The following SCUBE2 variants were observed in gnomAD, a reference collection of about 807,000 sequenced individuals.
The protein encoded by SCUBE2 is signal peptide, CUB and EGF-like domain-containing protein 2.
Under a neutral mutation model 125.9 loss-of-function variants are expected in SCUBE2, and 114 were observed. That is an observed-to-expected ratio of 0.91 (90% CI 0.78 to 1.06). The LOEUF is 1.06. Among genes scored for constraint, SCUBE2 ranks in the 50% least tolerant of loss-of-function variants. The pLI, the probability that SCUBE2 is intolerant of heterozygous loss-of-function variation, is 0.00. For synonymous variants in SCUBE2, 459 were observed against 492.9 expected (o/e 0.93, Z 0.91); for missense variants, 1,255 against 1,301.8 (o/e 0.96, Z 0.55).
chr11:9,089,053 G>T (rs916881592), intron 2 of SCUBE2, among the ~76,000 whole-genome samples: 1 of 152,170 alleles, frequency 6.6e-6, no homozygotes, highest in African/African-American at 2.4e-5. Context: ...CCAGTCTCTG[G>T]CCAGCTATGA....
At chr11:9,076,728 G>A (rs1019996672) in intron 3 of SCUBE2, among the ~76,000 whole-genome samples, 26 of 152,278 alleles carry the variant, frequency 1.7e-4, no homozygotes, top group African/African-American at 6.3e-4. Flanking sequence ...TCTGTTATCT[G>A]GTTTCAAGCT....
intron 14 of SCUBE2, 136 bp downstream of exon 14, chr11:9,050,470 G>T: frequency 1.5e-6 from 1 of 676,948 alleles, no homozygotes. Flanking sequence ...TGGAAGTTGG[G>T]GATGGTTCAG....
chr11:9,040,427 G>C (rs376506630), intron 16 of SCUBE2, among the ~76,000 whole-genome samples: 3 of 152,092 alleles, frequency 2.0e-5, no homozygotes, highest in East Asian at 1.9e-4. Flanking sequence ...CATGGGGGAG[G>C]GTATACACCG....
chr11:9,060,668 G>A (rs1859591690), intron 7 of SCUBE2, 144 bp from the exon 8 acceptor site: 2 of 644,476 alleles, frequency 3.1e-6, no homozygotes, highest in African/African-American at 1.8e-5. Context: ...TAGAGGGAGA[G>A]CAGGTGCAGC....
intron 5 of SCUBE2, among the ~76,000 whole-genome samples, chr11:9,068,239 G>A (rs73410050): frequency 5.3e-5 from 8 of 152,132 alleles, no homozygotes; most frequent in Non-Finnish European, 1.0e-4. Context: ...CTTTGGGAAG[G>A]TTCCTAAAGG....
chr11:9,071,038 C>T (rs1327649615), intron 4 of SCUBE2, among the ~76,000 whole-genome samples: 1 of 152,158 alleles, frequency 6.6e-6, no homozygotes, highest in African/African-American at 2.4e-5. Flanking sequence ...GATTTGCACC[C>T]CAGTACTGAG....
At chr11:9,033,260 C>G (rs757252197) in intron 17 of SCUBE2, among the ~76,000 whole-genome samples, 26 of 152,160 alleles carry the variant, frequency 1.7e-4, no homozygotes, top group Non-Finnish European at 4.4e-5. Context: ...GAGACCAAAG[C>G]TGGAGAAAAA....
intron 21 of SCUBE2, chr11:9,024,514 T>C (rs751673501): frequency 2.3e-5 from 16 of 704,490 alleles, no homozygotes; most frequent in Admixed American, 4.9e-5. Flanking sequence ...CCTAAAATCC[T>C]TCAGTGGCTT....
chr11:9,088,879 C>T (rs1368419925), intron 2 of SCUBE2, among the ~76,000 whole-genome samples: 1 of 152,178 alleles, frequency 6.6e-6, no homozygotes, highest in Non-Finnish European at 1.5e-5. Flanking sequence ...GGAGACCTGA[C>T]TTTCTTTCAC....
intron 1 of SCUBE2, among the ~76,000 whole-genome samples, chr11:9,090,837 C>A (rs1384604623): frequency 6.6e-6 from 1 of 152,218 alleles, no homozygotes; most frequent in Non-Finnish European, 1.5e-5. Flanking sequence ...AAGCACAGCA[C>A]GTCCAGAGTC....
At chr11:9,048,672 G>A (rs1858042162) in intron 14 of SCUBE2, among the ~76,000 whole-genome samples, 1 of 152,140 alleles carries the variant, frequency 6.6e-6, no homozygotes, top group African/African-American at 2.4e-5. Context: ...ATATCATGAA[G>A]GCATCTAGGA....
chr11:9,057,221 T>C (rs948808619), intron 9 of SCUBE2: 1 of 152,248 alleles, frequency 6.6e-6, no homozygotes, highest in Non-Finnish European at 1.5e-5. Context: ...CTAATTCCTT[T>C]TTAATGTGTT....
intron 9 of SCUBE2, chr11:9,057,298 T>C (rs1293588203): frequency 6.6e-6 from 1 of 152,196 alleles, no homozygotes; most frequent in Non-Finnish European, 1.5e-5. Flanking sequence ...GCAAATTTGC[T>C]TTCCAAGTCA....
At chr11:9,088,333 CA>C (rs1256237435) in intron 2 of SCUBE2, among the ~76,000 whole-genome samples, 2 of 152,166 alleles carry the variant, frequency 1.3e-5, no homozygotes, top group Non-Finnish European at 2.9e-5. Flanking sequence ...CCTAAAAATA[CA>C]AAAATTAGCT....
chr11:9,029,952 T>C lies in SCUBE2; in HGVS notation c.2435A>G (p.Asn812Ser), dbSNP rs763024477. 12 of 1,614,086 alleles carry C rather than the reference T, an allele frequency of 7.4e-6. No homozygotes were observed. The highest frequency in any genetic ancestry group is 1.6e-4 in the Middle Eastern group (1 of 6,084). ...GTYQPEFGKN[N>S]CVSCPGNTTT... ...AGTATTTCCTGGGCAAGAAACACAA[T>C]TATTTTTTCCAAATTCAGGCTGGTA... is the stretch of plus-strand genomic sequence containing the variant. Residue 812 changes from asparagine (N) to serine (S), a missense_variant, in exon 19 of 23, where the codon AAT becomes AGT. Physicochemically the swap from Asn to Ser is conservative, Grantham distance 46. Coordinates refer to ENST00000649792, the MANE Select transcript of SCUBE2 (RefSeq NM_001367977.2).
chr11:9,029,378 A>T (rs1306789700), intron 19 of SCUBE2, among the ~76,000 whole-genome samples: 2 of 152,070 alleles, frequency 1.3e-5, no homozygotes, highest in East Asian at 1.9e-4. Flanking sequence ...TCTCTCAAAC[A>T]TAAGGCTCTT....
At chr11:9,085,838 T>TCC (rs1564854448) in intron 2 of SCUBE2, among the ~76,000 whole-genome samples, 1 of 150,424 alleles carries the variant, frequency 6.6e-6, no homozygotes, top group Non-Finnish European at 1.5e-5. Context: ...TTTTTTTTTT[T>TCC]TTTTTTTTTT....
At chr11:9,031,340 A>T (rs1434421519) in intron 17 of SCUBE2, 1 of 153,920 alleles carries the variant, frequency 6.5e-6, no homozygotes, top group Admixed American at 6.5e-5. Context: ...ATTGATATAA[A>T]GAGTGATCCG....
At chr11:9,062,514 C>T (rs1277207734) in intron 7 of SCUBE2, among the ~76,000 whole-genome samples, 1 of 152,184 alleles carries the variant, frequency 6.6e-6, no homozygotes, top group African/African-American at 2.4e-5. Flanking sequence ...GGTCAAGAAT[C>T]ACTAGACATT....
Sources: allele counts gnomAD v4.1 joint callset (sites outside exome capture counted in the v4.1 genomes callset), GRCh38; gene constraint gnomAD v4.1.1; transcripts MANE v1.5; gene names NCBI Gene and HGNC (gene_info 2026-07-23, HGNC 2026-07-21).